The following CORO2B variants were observed in gnomAD, a reference collection of about 807,000 sequenced individuals.
The protein encoded by CORO2B is coronin 2B.
Under a neutral mutation model 58.8 loss-of-function variants are expected in CORO2B, and 26 were observed. The ratio of observed to expected loss-of-function variants is 0.44; its 90% CI spans 0.32 to 0.61. The LOEUF (loss-of-function observed/expected upper bound fraction) is 0.61, where lower values mean the gene tolerates loss of function less well. CORO2B is among the 20% of genes least tolerant of loss of function. CORO2B has a pLI of 0.04. For synonymous variants in CORO2B, 242 were observed against 253.8 expected (o/e 0.95, Z 0.44); for missense variants, 460 against 645.1 (o/e 0.71, Z 3.11).
At chr15:68,590,936 T>C (rs1899688372) in intron 1 of CORO2B, among the ~76,000 whole-genome samples, 1 of 152,154 alleles carries the variant, frequency 6.6e-6, no homozygotes, top group African/African-American at 2.4e-5. Flanking sequence ...TCCCCATCCC[T>C]ACCCTTGTGC....
Position 68,598,213 on chromosome 15 carries a change from C to T in CORO2B, c.15+18936C>T, listed in dbSNP as rs75089413. ...TGTAGGCAGCCCCTGGAGAAGAGGG[C>T]GGGCAGTCTGGCTGGAATTGGGGTG... On this transcript the variant is annotated intron_variant, in intron 1 of 11. Transcript: ENST00000261861. Among the ~76,000 whole-genome samples, 631 of 152,320 alleles carry T rather than the reference C, an allele frequency of 4.1e-3. 7 individuals carry two copies. The highest frequency in any genetic ancestry group is 0.015 in the African/African-American group (604 of 41,576).
chr15:68,550,530 T>C, the CORO2B span, among the ~76,000 whole-genome samples: 1 of 152,210 alleles, frequency 6.6e-6, no homozygotes, highest in Admixed American at 6.5e-5. Context: ...CCATCTCTTA[T>C]GGTCGATTGT....
At chr15:68,625,119 T>C (rs976502733) in intron 1 of CORO2B, among the ~76,000 whole-genome samples, 4 of 152,152 alleles carry the variant, frequency 2.6e-5, no homozygotes, top group Admixed American at 6.5e-5. Context: ...CTCCTTGCAA[T>C]GGGCGGTCCG....
chr15:68,580,836 C>G (rs1025162994), intron 1 of CORO2B, among the ~76,000 whole-genome samples: 1 of 152,122 alleles, frequency 6.6e-6, no homozygotes, highest in Non-Finnish European at 1.5e-5. Flanking sequence ...CCCTGTGTCT[C>G]TTTTTGTGCG....
chr15:68,536,075 G>T, the CORO2B span, among the ~76,000 whole-genome samples: 3 of 152,102 alleles, frequency 2.0e-5, no homozygotes, highest in African/African-American at 7.2e-5. Flanking sequence ...TGAAAATTTG[G>T]CTTGAAATAG....
chr15:68,693,248 GA>G (rs1256930251), intron 2 of CORO2B, among the ~76,000 whole-genome samples: 2 of 152,168 alleles, frequency 1.3e-5, no homozygotes, highest in African/African-American at 4.8e-5. Flanking sequence ...AAACGATCTG[GA>G]AATGAGCCGA....
intron 2 of CORO2B, among the ~76,000 whole-genome samples, chr15:68,649,546 C>T (rs1433202574): frequency 6.6e-6 from 1 of 152,202 alleles, no homozygotes; most frequent in Admixed American, 6.5e-5. Flanking sequence ...CGTTCAGTCT[C>T]AGGATCACTT....
chr15:68,544,839 C>T, the CORO2B span, among the ~76,000 whole-genome samples: 17 of 151,182 alleles, frequency 1.1e-4, no homozygotes, highest in Non-Finnish European at 2.4e-4. Flanking sequence ...TGCGACGGCA[C>T]AATCTCGGCT....
chr15:68,649,799 A>G (rs779569660), intron 2 of CORO2B, among the ~76,000 whole-genome samples: 3 of 152,224 alleles, frequency 2.0e-5, no homozygotes, highest in Non-Finnish European at 4.4e-5. Flanking sequence ...TCTCTTTAAT[A>G]TATGTCTGGC....
intron 2 of CORO2B, among the ~76,000 whole-genome samples, chr15:68,673,444 G>A (rs1470254308): frequency 6.6e-6 from 1 of 152,118 alleles, no homozygotes; most frequent in Admixed American, 6.5e-5. Context: ...CTTGAGACTG[G>A]ACAGTCGAGG....
At chr15:68,667,640 A>G (rs1328703204) in intron 2 of CORO2B, among the ~76,000 whole-genome samples, 1 of 152,202 alleles carries the variant, frequency 6.6e-6, no homozygotes, top group Non-Finnish European at 1.5e-5. Context: ...CCCTGTGGAT[A>G]AGCCAGGTTT....
the CORO2B span, among the ~76,000 whole-genome samples, chr15:68,537,377 T>C: frequency 0.95 from 144,137 of 152,174 alleles, 68,356 homozygotes; most frequent in East Asian, 1. Flanking sequence ...GGCAATAGCA[T>C]GGGCACTCTG....
intron 2 of CORO2B, among the ~76,000 whole-genome samples, chr15:68,663,210 A>G (rs1902072896): frequency 6.6e-6 from 1 of 152,190 alleles, no homozygotes; most frequent in Non-Finnish European, 1.5e-5. Flanking sequence ...ATCTTTTCAC[A>G]TCAAATATAG....
chr15:68,639,998 TG>T (rs2140268046), intron 1 of CORO2B, among the ~76,000 whole-genome samples: 1 of 152,332 alleles, frequency 6.6e-6, no homozygotes, highest in African/African-American at 2.4e-5. Context: ...CTTTGAGGTC[TG>T]GGCACCTCCC....
chr15:68,667,209 C>A (rs1902219595), intron 2 of CORO2B, among the ~76,000 whole-genome samples: 1 of 152,164 alleles, frequency 6.6e-6, no homozygotes, highest in Non-Finnish European at 1.5e-5. Context: ...CCTGCCCTCA[C>A]CAGACCTTGA....
chr15:68,715,156 G>T lies in CORO2B; in HGVS notation c.871-59G>T, dbSNP rs527961396. 2.7e-6 allele frequency: 4 copies of T among 1,467,338 alleles called. No homozygotes were observed. In the South Asian group the frequency reaches 4.6e-5, roughly 17 times the overall value. The allele number at this position is 1,467,338 out of a possible 1,614,324, so 90.9% of individuals were successfully genotyped here. On this transcript the variant is annotated intron_variant, in intron 7 of 11. Coordinates refer to ENST00000261861, the MANE Select transcript of CORO2B (RefSeq NM_006091.5). Reference sequence around the variant, plus strand: ...TGTCTTCAGCTGGCTCCTGGGACCAGGCCCTGCTCTGCCCTCCCTACCTGC... The same window carrying T: ...TGTCTTCAGCTGGCTCCTGGGACCATGCCCTGCTCTGCCCTCCCTACCTGC...
At chr15:68,566,059 A>G in the CORO2B span, among the ~76,000 whole-genome samples, 1 of 152,352 alleles carries the variant, frequency 6.6e-6, no homozygotes, top group Admixed American at 6.5e-5. Context: ...ACTGAAGTCA[A>G]GCAGTCCCCT....
chr15:68,604,819 G>A (rs1332529551), intron 1 of CORO2B, among the ~76,000 whole-genome samples: 3 of 152,142 alleles, frequency 2.0e-5, no homozygotes, highest in Non-Finnish European at 4.4e-5. Flanking sequence ...TAAGCAAGCT[G>A]TTAAGAAGTT....
At chr15:68,520,637 A>G in the CORO2B span, among the ~76,000 whole-genome samples, 4 of 152,210 alleles carry the variant, frequency 2.6e-5, no homozygotes, top group Non-Finnish European at 5.9e-5. Context: ...CTTAGGTTGA[A>G]CTATAAGAAA....
Sources: allele counts gnomAD v4.1 joint callset (sites outside exome capture counted in the v4.1 genomes callset), GRCh38; gene constraint gnomAD v4.1.1; transcripts MANE v1.5; gene names NCBI Gene and HGNC (gene_info 2026-07-23, HGNC 2026-07-21).